The following TAS2R1 variants were observed in gnomAD, a reference collection of about 807,000 sequenced individuals.
TAS2R1 encodes the protein taste receptor type 2 member 1.
For synonymous variants in TAS2R1, 141 were observed against 134.2 expected (o/e 1.05, Z -0.35); for missense variants, 370 against 353.4 (o/e 1.05, Z -0.38).
At chr5:9,672,973 T>C (rs949206778) in intron 1 of TAS2R1, among the ~76,000 whole-genome samples, 1 of 152,072 alleles carries the variant, frequency 6.6e-6, no homozygotes, top group Non-Finnish European at 1.5e-5. Context: ...ATATTAAGAA[T>C]AAGATCATGT....
At chr5:9,864,367 C>G in the TAS2R1 span, among the ~76,000 whole-genome samples, 2 of 152,162 alleles carry the variant, frequency 1.3e-5, no homozygotes, top group Admixed American at 6.5e-5. Flanking sequence ...GTGGCTCATG[C>G]CTGTAATCCC....
chr5:9,643,765 A>G (rs1171361281), intron 2 of TAS2R1, among the ~76,000 whole-genome samples: 1 of 152,188 alleles, frequency 6.6e-6, no homozygotes, highest in African/African-American at 2.4e-5. Flanking sequence ...AGCTTCTGTC[A>G]TCTTGGAAAT....
the TAS2R1 span, among the ~76,000 whole-genome samples, chr5:9,887,053 A>C: frequency 6.6e-6 from 1 of 152,204 alleles, no homozygotes; most frequent in Non-Finnish European, 1.5e-5. Flanking sequence ...CATAAAAAAT[A>C]ATATGTGTAG....
the TAS2R1 span, among the ~76,000 whole-genome samples, chr5:9,892,659 C>G: frequency 6.6e-6 from 1 of 152,236 alleles, no homozygotes; most frequent in Middle Eastern, 3.4e-3. Flanking sequence ...TCTTGATTCC[C>G]TGCACTTGAC....
the TAS2R1 span, among the ~76,000 whole-genome samples, chr5:9,785,111 T>G: frequency 8.5e-5 from 13 of 152,302 alleles, no homozygotes; most frequent in Non-Finnish European, 1.8e-4. Context: ...TTATCTTACA[T>G]GCCCTTTTCA....
intron 2 of TAS2R1, among the ~76,000 whole-genome samples, chr5:9,647,415 G>A (rs1336759729): frequency 6.6e-6 from 1 of 152,126 alleles, no homozygotes; most frequent in Admixed American, 6.6e-5. Context: ...CCCAAGGCAA[G>A]GCTAGTGACC....
chr5:9,886,590 T>C, the TAS2R1 span, among the ~76,000 whole-genome samples: 1 of 152,128 alleles, frequency 6.6e-6, no homozygotes, highest in Non-Finnish European at 1.5e-5. Flanking sequence ...CACCTCGGCC[T>C]CTCAAAGTGC....
At chr5:9,872,060 A>T in the TAS2R1 span, among the ~76,000 whole-genome samples, 1 of 152,232 alleles carries the variant, frequency 6.6e-6, no homozygotes, top group African/African-American at 2.4e-5. Flanking sequence ...ATATTCTATT[A>T]TATAGTTTTA....
the TAS2R1 span, among the ~76,000 whole-genome samples, chr5:9,893,304 G>A: frequency 0.18 from 26,820 of 150,918 alleles, 2,553 homozygotes; most frequent in Non-Finnish European, 0.23. Context: ...TCCCGTGGCC[G>A]GGCTTTCTAG....
the TAS2R1 span, among the ~76,000 whole-genome samples, chr5:9,726,370 C>T: frequency 3.9e-5 from 6 of 152,314 alleles, no homozygotes; most frequent in East Asian, 9.6e-4. Context: ...GACCACTGGG[C>T]TCTACCAGTC....
At chr5:9,663,095 T>G (rs1740569349) in intron 1 of TAS2R1, among the ~76,000 whole-genome samples, 2 of 151,656 alleles carry the variant, frequency 1.3e-5, no homozygotes. Context: ...TATATTTGCA[T>G]GCTATTCTAT....
At chr5:9,723,442 A>G in the TAS2R1 span, among the ~76,000 whole-genome samples, 2 of 152,198 alleles carry the variant, frequency 1.3e-5, no homozygotes, top group Admixed American at 1.3e-4. Flanking sequence ...ATAAATTTGA[A>G]GAGATGAGGC....
At chr5:9,890,889 G>A in the TAS2R1 span, among the ~76,000 whole-genome samples, 1 of 152,280 alleles carries the variant, frequency 6.6e-6, no homozygotes, top group Admixed American at 6.5e-5. Context: ...GTGGATTACT[G>A]GAGGTTTGCT....
chr5:9,647,957 G>A (rs781535836), intron 2 of TAS2R1, among the ~76,000 whole-genome samples: 2 of 152,028 alleles, frequency 1.3e-5, no homozygotes, highest in Non-Finnish European at 2.9e-5. Context: ...TTTCTAGTTC[G>A]ACTTAACATA....
chr5:9,866,311 G>A, the TAS2R1 span, among the ~76,000 whole-genome samples: 4 of 152,206 alleles, frequency 2.6e-5, no homozygotes, highest in Middle Eastern at 6.8e-3. Flanking sequence ...TTAATTGCGA[G>A]TATTTAATAT....
the TAS2R1 span, among the ~76,000 whole-genome samples, chr5:9,889,410 G>T: frequency 6.6e-6 from 1 of 152,180 alleles, no homozygotes; most frequent in Non-Finnish European, 1.5e-5. Flanking sequence ...GACCACACAT[G>T]CACAGGGTAG....
At chr5:9,773,946 G>A in the TAS2R1 span, among the ~76,000 whole-genome samples, 2 of 152,256 alleles carry the variant, frequency 1.3e-5, no homozygotes, top group African/African-American at 4.8e-5. Flanking sequence ...GTACTTGAAT[G>A]TTGATATATT....
the TAS2R1 span, among the ~76,000 whole-genome samples, chr5:9,861,037 G>GTTT: frequency 1.0e-4 from 9 of 88,612 alleles, no homozygotes; most frequent in Admixed American, 1.1e-3. Flanking sequence ...GGAAGATGAG[G>GTTT]TTTTTTTTTT....
chr5:9,812,238 G>A, the TAS2R1 span, among the ~76,000 whole-genome samples: 97 of 152,176 alleles, frequency 6.4e-4, no homozygotes, highest in Middle Eastern at 0.014. Context: ...CGGAGAAAAA[G>A]AGAAGATGTT....
Sources: allele counts gnomAD v4.1 joint callset (sites outside exome capture counted in the v4.1 genomes callset), GRCh38; gene constraint gnomAD v4.1.1; transcripts MANE v1.5; gene names NCBI Gene and HGNC (gene_info 2026-07-23, HGNC 2026-07-21).